ARHGAP24: variants seen among roughly 807,000 people sequenced by gnomAD.
The protein encoded by ARHGAP24 is Rho GTPase activating protein 24.
A neutral mutation model predicts 76.4 loss-of-function variants in ARHGAP24; 50 were observed. That is an observed-to-expected ratio of 0.65 (90% CI 0.52 to 0.83). The LOEUF (loss-of-function observed/expected upper bound fraction) is 0.83, where lower values mean the gene tolerates loss of function less well. Ranked by LOEUF, ARHGAP24 falls within the 40% of genes least tolerant of loss-of-function variation. The pLI is 0.00. For missense variants in ARHGAP24, 930 were observed against 914.2 expected (o/e 1.02, Z -0.22); for synonymous variants, 345 against 323.3 (o/e 1.07, Z -0.72).
In ARHGAP24 at chr4:85,907,114, G is replaced by T. The variant is rs143907138; in HGVS notation, c.269-16534G>T. 5.7e-4 allele frequency among the ~76,000 whole-genome samples: 86 copies of T among 152,172 alleles called. 1 individual carries two copies. The highest frequency in any genetic ancestry group is 2.0e-3 in the African/African-American group (83 of 41,512). On this transcript the variant is annotated intron_variant, in intron 3 of 9. Coordinates refer to ENST00000395184, the MANE Select transcript of ARHGAP24 (RefSeq NM_001025616.3). The stretch of plus-strand genomic sequence containing the variant: ...CATCTAGCTATGAAATAAGGACTCA[G>T]CCTTAGCTGAACTCTGAGCTCCCAT...
chr4:85,517,483 T>G (rs1422120063), intron 1 of ARHGAP24, among the ~76,000 whole-genome samples: 1 of 152,178 alleles, frequency 6.6e-6, no homozygotes, highest in African/African-American at 2.4e-5. Flanking sequence ...CATTTAAATT[T>G]CAAAAATTAT....
At chr4:85,890,940 T>C (rs1340947510) in intron 3 of ARHGAP24, among the ~76,000 whole-genome samples, 1 of 152,172 alleles carries the variant, frequency 6.6e-6, no homozygotes, top group South Asian at 2.1e-4. Context: ...ATTTAACAAG[T>C]GTCTGCAAGT....
chr4:85,906,798 A>T (rs899091914), intron 3 of ARHGAP24, among the ~76,000 whole-genome samples: 2 of 152,052 alleles, frequency 1.3e-5, no homozygotes, highest in African/African-American at 4.8e-5. Flanking sequence ...ACAAAATTAC[A>T]TGAAGAGAGG....
At chr4:85,849,339 T>G (rs12643885) in intron 3 of ARHGAP24, among the ~76,000 whole-genome samples, 71,405 of 150,658 alleles carry the variant, frequency 0.47, 18,444 homozygotes, top group East Asian at 0.86. Flanking sequence ...AGCTTAAGGA[T>G]ATTTTGGGCT....
intron 3 of ARHGAP24, among the ~76,000 whole-genome samples, chr4:85,858,945 G>GAA (rs34696028): frequency 2.8e-4 from 42 of 149,596 alleles, no homozygotes; most frequent in African/African-American, 8.6e-4. Flanking sequence ...ATGGTACTCA[G>GAA]AAAAAAAAAA....
At chr4:85,681,720 A>G (rs1279414104) in intron 2 of ARHGAP24, among the ~76,000 whole-genome samples, 3 of 152,270 alleles carry the variant, frequency 2.0e-5, no homozygotes, top group Non-Finnish European at 4.4e-5. Flanking sequence ...TTCTTCATGC[A>G]GGATCCTCTA....
intron 3 of ARHGAP24, among the ~76,000 whole-genome samples, chr4:85,866,696 A>T (rs944971413): frequency 6.6e-6 from 1 of 152,066 alleles, no homozygotes; most frequent in African/African-American, 2.4e-5. Flanking sequence ...TGGTCGGCAG[A>T]TCTGTGAGGA....
At chr4:85,790,754 T>C (rs1728081590) in intron 3 of ARHGAP24, among the ~76,000 whole-genome samples, 1 of 152,218 alleles carries the variant, frequency 6.6e-6, no homozygotes, top group Non-Finnish European at 1.5e-5. Flanking sequence ...GTAGTATAAA[T>C]GGTATTTTCA....
intron 2 of ARHGAP24, among the ~76,000 whole-genome samples, chr4:85,606,491 C>A (rs1448189793): frequency 6.9e-6 from 1 of 145,872 alleles, no homozygotes; most frequent in African/African-American, 2.6e-5. Context: ...CCAGCCTGGG[C>A]GACAGAGCGA....
chr4:85,887,538 A>T (rs1169989305), intron 3 of ARHGAP24, among the ~76,000 whole-genome samples: 1 of 152,226 alleles, frequency 6.6e-6, no homozygotes, highest in Non-Finnish European at 1.5e-5. Context: ...ACACCAGGAC[A>T]TAACAATATA....
intron 1 of ARHGAP24, among the ~76,000 whole-genome samples, chr4:85,501,053 C>G (rs1051632467): frequency 1.3e-5 from 2 of 152,176 alleles, no homozygotes; most frequent in Non-Finnish European, 2.9e-5. Context: ...ATGAACTCAT[C>G]CTTTTTTATG....
At chr4:85,712,668 A>G (rs1211997448) in intron 2 of ARHGAP24, among the ~76,000 whole-genome samples, 1 of 152,060 alleles carries the variant, frequency 6.6e-6, no homozygotes, top group Non-Finnish European at 1.5e-5. Context: ...ACGTTCATGT[A>G]GCCTCTCCTC....
intron 2 of ARHGAP24, among the ~76,000 whole-genome samples, chr4:85,675,733 A>G (rs1024298075): frequency 6.6e-6 from 1 of 152,196 alleles, no homozygotes; most frequent in Admixed American, 6.5e-5. Flanking sequence ...GCTTGACATT[A>G]TGTTGAGCTT....
At chr4:85,527,520 T>A (rs183170989) in intron 1 of ARHGAP24, among the ~76,000 whole-genome samples, 1 of 152,190 alleles carries the variant, frequency 6.6e-6, no homozygotes, top group African/African-American at 2.4e-5. Flanking sequence ...GGGAAGCTAT[T>A]CTTCTTAACG....
At chr4:85,709,034 T>G (rs1460250385) in intron 2 of ARHGAP24, among the ~76,000 whole-genome samples, 1 of 152,178 alleles carries the variant, frequency 6.6e-6, no homozygotes, top group South Asian at 2.1e-4. Flanking sequence ...TTCAGTAAAC[T>G]TTTATCTGTG....
At chr4:85,665,673 T>C (rs1722586226) in intron 2 of ARHGAP24, among the ~76,000 whole-genome samples, 3 of 152,336 alleles carry the variant, frequency 2.0e-5, no homozygotes, top group Non-Finnish European at 2.9e-5. Flanking sequence ...TTTCCATGTT[T>C]AGTGCTTCCT....
rs367730186 is a variant in ARHGAP24 at position 85,565,862 on chromosome 4, TATGGTTTGACTCTTAGA to T, written c.-20-4658_-20-4642del. Among the ~76,000 whole-genome samples the T allele has an allele frequency of 5.8e-3, 884 of 152,334 alleles. 8 individuals are homozygous for T. Among genetic ancestry groups the T allele is most frequent in the African/African-American group, 0.02 (820 of 41,570 alleles). On this transcript the variant is annotated intron_variant, in intron 1 of 9. Coordinates refer to ENST00000395184, the MANE Select transcript of ARHGAP24 (RefSeq NM_001025616.3). ...TCACACATCTAAATATCTATGTGTG[TATGGTTTGACTCTTAGA>T]AGAGTTTTTCAGGAGCATGAATTTC...
At chr4:85,741,850 G>A (rs1352085316) in intron 3 of ARHGAP24, among the ~76,000 whole-genome samples, 1 of 151,998 alleles carries the variant, frequency 6.6e-6, no homozygotes. Flanking sequence ...CATGTTTTGT[G>A]TTGTAGTTGC....
At chr4:85,614,160 T>A (rs1354780347) in intron 2 of ARHGAP24, among the ~76,000 whole-genome samples, 1 of 152,192 alleles carries the variant, frequency 6.6e-6, no homozygotes, top group Non-Finnish European at 1.5e-5. Context: ...TAAAACAGTC[T>A]CCAAGAAGAA....
Sources: gnomAD v4.1 joint callset for allele counts (sites outside exome capture counted in the v4.1 genomes callset) on GRCh38, gnomAD v4.1.1 for gene constraint, MANE v1.5 for transcripts, NCBI Gene and HGNC (gene_info 2026-07-23, HGNC 2026-07-21) for gene names.